SYNJ2BP: variants seen among roughly 807,000 people sequenced by gnomAD.
The protein encoded by SYNJ2BP is synaptojanin 2 binding protein, also known as synaptojanin-2-binding protein.
SYNJ2BP carries 10 observed loss-of-function variants against 16.9 expected under a neutral mutation model. That is an observed-to-expected ratio of 0.59 (90% CI 0.36 to 1.00). SYNJ2BP has a LOEUF of 1.00. Among genes scored for constraint, SYNJ2BP ranks in the 50% least tolerant of loss-of-function variants. The pLI, the probability that SYNJ2BP is intolerant of heterozygous loss-of-function variation, is 0.01. For missense variants in SYNJ2BP, 162 were observed against 186.7 expected, an observed-to-expected ratio of 0.87 and a Z score of 0.77; for synonymous variants, 54 against 68.4, an observed-to-expected ratio of 0.79 and a Z score of 1.04.
At position 70,372,952 on chromosome 14, in the gene SYNJ2BP, A is replaced by C. The variant is rs1348317687; in HGVS notation, c.*39T>G. 6.2e-7 allele frequency: 1 copy of C among 1,611,328 alleles called. No homozygotes were observed. Among genetic ancestry groups the C allele is most frequent in the East Asian group, 2.2e-5 (1 of 44,856 alleles). ...ATAGCAGGGGTGGAGGGTGAGTGAA[A>C]TGTATCTTCATTGGGAGTATTGAAA... On this transcript the variant is annotated 3_prime_UTR_variant, in exon 4 of 4. Coordinates refer to ENST00000256366, the MANE Select transcript of SYNJ2BP (RefSeq NM_018373.3).
chr14:70,407,191 G>A (rs1367463832), intron 1 of SYNJ2BP, among the ~76,000 whole-genome samples: 2 of 152,106 alleles, frequency 1.3e-5, no homozygotes, highest in African/African-American at 4.8e-5. Context: ...CACTTTGGGA[G>A]GCCGAGGCAG....
intron 1 of SYNJ2BP, among the ~76,000 whole-genome samples, chr14:70,390,713 C>T (rs1394160791): frequency 6.6e-6 from 1 of 151,932 alleles, no homozygotes; most frequent in African/African-American, 2.4e-5. Context: ...TCTGAAAGTT[C>T]TCCCCATTGG....
At chr14:70,389,292 C>A (rs1156256459) in intron 1 of SYNJ2BP, among the ~76,000 whole-genome samples, 1 of 151,926 alleles carries the variant, frequency 6.6e-6, no homozygotes, top group Non-Finnish European at 1.5e-5. Context: ...CTAACCATAC[C>A]TTCCCTTCCA....
chr14:70,408,005 T>C (rs980498854), intron 1 of SYNJ2BP, among the ~76,000 whole-genome samples: 2 of 152,158 alleles, frequency 1.3e-5, no homozygotes, highest in Admixed American at 6.5e-5. Context: ...TTGACTATTA[T>C]TGGAATTGAA....
rs1362705098 is a variant in SYNJ2BP at position 70,368,645 on chromosome 14, T to C, written c.*4346A>G. 6.6e-6 allele frequency: 1 copy of C among 152,220 alleles called. No individual in the cohort carries two copies. 9.4% of individuals were successfully genotyped at this position (152,220 alleles called of 1,614,324 possible). On this transcript the variant is annotated 3_prime_UTR_variant, in exon 4 of 4. Coordinates refer to ENST00000256366, the MANE Select transcript of SYNJ2BP (RefSeq NM_018373.3). ...ATCAGGAAGAAATGAATGTTCCACTTACTTCGTGCAGAAGCTCAGGAAGCT... is the reference window on the plus strand; with the variant it reads ...ATCAGGAAGAAATGAATGTTCCACTCACTTCGTGCAGAAGCTCAGGAAGCT...
In SYNJ2BP at chr14:70,369,149, C is replaced by A. The variant is rs560565982; in HGVS notation, c.*3842G>T. On this transcript the variant is annotated 3_prime_UTR_variant, in exon 4 of 4. Transcript: ENST00000256366. ...TTTTTGTTTTTGAGACAAGGTCTCA[C>A]TCCGTTGCTCAGGCTAGAATGAAGT... 6.6e-6 allele frequency: 1 copy of A among 152,268 alleles called. No homozygotes were observed. Among genetic ancestry groups the A allele is most frequent in the African/African-American group, 2.4e-5 (1 of 41,512 alleles). 9.4% of individuals were successfully genotyped at this position (152,268 alleles called of 1,614,324 possible).
intron 2 of SYNJ2BP, among the ~76,000 whole-genome samples, chr14:70,386,197 C>T (rs184799651): frequency 1.4e-4 from 21 of 152,264 alleles, no homozygotes; most frequent in Non-Finnish European, 2.9e-5. Flanking sequence ...TTTAACAACC[C>T]ACTCTCAGCA....
chr14:70,375,735 C>G lies in SYNJ2BP; in HGVS notation c.238G>C (p.Asp80His). The G allele has an allele frequency of 6.2e-7, 1 of 1,614,090 alleles. No homozygotes were observed. Among genetic ancestry groups the G allele is most frequent in the Non-Finnish European group, 8.5e-7 (1 of 1,180,000 alleles). Residue 80 changes from aspartate to histidine, a missense_variant, in exon 3 of 4, where the codon GAT (aspartate) becomes CAT (histidine). Physicochemically the swap from Asp to His is moderately conservative, Grantham distance 81 (BLOSUM62 -1). Transcript: ENST00000256366. The stretch of plus-strand genomic sequence containing the variant: ...GCATTACGAAAGAGGTCTACAGCAT[C>G]CTGGTGCAGCAGGTTCTTTAGGTCT... Reference protein sequence around the residue: ...GQDLKNLLHQDAVDLFRNAGY... With the variant: ...GQDLKNLLHQHAVDLFRNAGY...
intron 1 of SYNJ2BP, among the ~76,000 whole-genome samples, chr14:70,403,362 C>A (rs541433624): frequency 6.6e-6 from 1 of 152,186 alleles, no homozygotes; most frequent in East Asian, 1.9e-4. Context: ...TAAACCAGAG[C>A]AACTCCATCT....
chr14:70,413,107 C>A (rs191577581), intron 1 of SYNJ2BP, among the ~76,000 whole-genome samples: 1 of 152,330 alleles, frequency 6.6e-6, no homozygotes, highest in Admixed American at 6.5e-5. Context: ...AATTCTTCAG[C>A]TCATACTATT....
At chr14:70,416,473 T>A (rs1334793858) in intron 1 of SYNJ2BP, among the ~76,000 whole-genome samples, 1 of 151,970 alleles carries the variant, frequency 6.6e-6, no homozygotes, top group Non-Finnish European at 1.5e-5. Context: ...GAGGGAGGGA[T>A]CCTAGCTGCA....
intron 2 of SYNJ2BP, among the ~76,000 whole-genome samples, chr14:70,378,093 C>T (rs1184114909): frequency 2.8e-5 from 1 of 36,168 alleles, no homozygotes; most frequent in Admixed American, 2.2e-4. Context: ...GGCATATGAA[C>T]ACTTAGCATT....
At chr14:70,408,806 T>TA (rs1428421343) in intron 1 of SYNJ2BP, among the ~76,000 whole-genome samples, 13 of 152,246 alleles carry the variant, frequency 8.5e-5, no homozygotes, top group Admixed American at 7.2e-4. Context: ...GAGTGAGTGA[T>TA]AGAGTAAGGA....
chr14:70,413,512 G>A (rs1045164337), intron 1 of SYNJ2BP, among the ~76,000 whole-genome samples: 1 of 152,186 alleles, frequency 6.6e-6, no homozygotes, highest in Non-Finnish European at 1.5e-5. Context: ...GGTGGCAAAT[G>A]CCTGTAATCC....
At chr14:70,387,660 T>G (rs1431134730) in intron 2 of SYNJ2BP, among the ~76,000 whole-genome samples, 3 of 152,174 alleles carry the variant, frequency 2.0e-5, no homozygotes, top group South Asian at 2.1e-4. Context: ...TGAAACCCTG[T>G]CTATACTAAA....
intron 1 of SYNJ2BP, among the ~76,000 whole-genome samples, chr14:70,389,152 T>C (rs1887926041): frequency 6.6e-6 from 1 of 152,122 alleles, no homozygotes; most frequent in African/African-American, 2.4e-5. Context: ...ATCCTGTTGA[T>C]GGTATTCAAA....
At chr14:70,391,828 AT>A (rs2140839250) in intron 1 of SYNJ2BP, among the ~76,000 whole-genome samples, 1 of 152,364 alleles carries the variant, frequency 6.6e-6, no homozygotes, top group East Asian at 1.9e-4. Context: ...AGGTACATTT[AT>A]AACCCGTTGC....
chr14:70,402,080 C>A (rs1888251705), intron 1 of SYNJ2BP, among the ~76,000 whole-genome samples: 1 of 152,176 alleles, frequency 6.6e-6, no homozygotes, highest in Admixed American at 6.5e-5. Context: ...ACCATTCACT[C>A]CCTTTTTGGG....
chr14:70,385,856 T>C (rs1373858142), intron 2 of SYNJ2BP, among the ~76,000 whole-genome samples: 1 of 152,192 alleles, frequency 6.6e-6, no homozygotes, highest in Non-Finnish European at 1.5e-5. Context: ...TTGAGTCCCT[T>C]GCTGCTTACT....
Sources: allele counts gnomAD v4.1 joint callset (sites outside exome capture counted in the v4.1 genomes callset), GRCh38; gene constraint gnomAD v4.1.1; transcripts MANE v1.5; gene names NCBI Gene and HGNC (gene_info 2026-07-23, HGNC 2026-07-21).